Variants in AKAP6 observed in about 807,000 individuals in gnomAD.
AKAP6 encodes A-kinase anchoring protein 6, also known as A-kinase anchor protein 6.
AKAP6 carries 58 observed loss-of-function variants against 188.5 expected under a neutral mutation model. The ratio of observed to expected loss-of-function variants is 0.31; its 90% confidence interval spans 0.25 to 0.38. AKAP6 has a LOEUF of 0.38. Among genes scored for constraint, AKAP6 ranks in the 10% least tolerant of loss-of-function variants. The pLI is 1.00. For missense variants in AKAP6, 2,710 were observed against 2,740.0 expected, an observed-to-expected ratio of 0.99 and a Z score of 0.24; for synonymous variants, 989 against 998.6, an observed-to-expected ratio of 0.99 and a Z score of 0.18.
At chr14:32,623,753 G>T (rs1044479857) in intron 7 of AKAP6, among the ~76,000 whole-genome samples, 1 of 152,068 alleles carries the variant, frequency 6.6e-6, no homozygotes, top group Non-Finnish European at 1.5e-5. Flanking sequence ...AGCATATATG[G>T]CCAGGTCTTT....
At chr14:32,688,631 A>G (rs1890032886) in intron 8 of AKAP6, among the ~76,000 whole-genome samples, 1 of 152,110 alleles carries the variant, frequency 6.6e-6, no homozygotes, top group African/African-American at 2.4e-5. Flanking sequence ...TTGAGACCTG[A>G]GAGGAATTTC....
intron 11 of AKAP6, among the ~76,000 whole-genome samples, chr14:32,767,075 C>A (rs1190567629): frequency 7.2e-5 from 11 of 152,126 alleles, no homozygotes. Flanking sequence ...TCTTTCCTGA[C>A]TTAATTATAC....
At chr14:32,802,376 C>T (rs1459787609) in intron 12 of AKAP6, among the ~76,000 whole-genome samples, 1 of 152,080 alleles carries the variant, frequency 6.6e-6, no homozygotes, top group Non-Finnish European at 1.5e-5. Flanking sequence ...CAGAAATGGG[C>T]AGAAGATATG....
At chr14:32,820,900 T>G (rs2034501899) in intron 12 of AKAP6, among the ~76,000 whole-genome samples, 1 of 152,156 alleles carries the variant, frequency 6.6e-6, no homozygotes, top group South Asian at 2.1e-4. Context: ...AACTCTATTT[T>G]AAGTCCCCAG....
rs1459175257 is a variant in AKAP6, at chr14:32,821,751, G to C, written c.3938G>C (p.Gly1313Ala). 1.4e-5 allele frequency: 22 copies of C among 1,613,692 alleles called. No homozygotes were observed. Among genetic ancestry groups the C allele is most frequent in the Non-Finnish European group, 1.7e-5 (20 of 1,179,908 alleles). ...PFLKNNPKVT[G>A]MTQPNVLTKS... ...CTGAAAAACAATCCAAAGGTCACTG[G>C]CATGACACAGCCTAATGTTTTAACT... The change falls in exon 13 of 14, where the codon GGC becomes GCC. Residue 1313 changes from glycine to alanine, a missense_variant. Physicochemically the swap from Gly to Ala is moderately conservative, Grantham distance 60. Transcript: ENST00000280979.
intron 1 of AKAP6, among the ~76,000 whole-genome samples, chr14:32,369,504 G>T (rs1887942179): frequency 6.6e-6 from 1 of 152,220 alleles, no homozygotes; most frequent in Non-Finnish European, 1.5e-5. Flanking sequence ...CAAAGAAGTA[G>T]GAGGAAGTTA....
intron 8 of AKAP6, among the ~76,000 whole-genome samples, chr14:32,686,108 T>TA (rs1437950628): frequency 1.4e-4 from 21 of 152,222 alleles, no homozygotes; most frequent in Non-Finnish European, 2.5e-4. Context: ...TATTCAGCCA[T>TA]AAAAAAGAAT....
intron 1 of AKAP6, among the ~76,000 whole-genome samples, chr14:32,410,154 T>TG (rs1889435271): frequency 1.5e-5 from 2 of 133,898 alleles, no homozygotes; most frequent in African/African-American, 5.2e-5. Context: ...TCCCCTCCTT[T>TG]TTTTTTCTTT....
chr14:32,756,678 G>A (rs1476838046), intron 11 of AKAP6, among the ~76,000 whole-genome samples: 1 of 152,194 alleles, frequency 6.6e-6, no homozygotes, highest in East Asian at 1.9e-4. Flanking sequence ...AGCTAGCTTA[G>A]AGCCTAAGGC....
intron 7 of AKAP6, among the ~76,000 whole-genome samples, chr14:32,631,180 T>C (rs1378286112): frequency 6.6e-6 from 1 of 152,062 alleles, no homozygotes. Context: ...ATATGGCATA[T>C]GAAATACCTC....
At chr14:32,605,375 G>A (rs1019454389) in intron 7 of AKAP6, among the ~76,000 whole-genome samples, 4 of 152,074 alleles carry the variant, frequency 2.6e-5, no homozygotes, top group Non-Finnish European at 5.9e-5. Context: ...AAGATAGAGA[G>A]GTGTAAAAAC....
At chr14:32,674,426 G>GT (rs1354822667) in intron 7 of AKAP6, among the ~76,000 whole-genome samples, 21 of 152,294 alleles carry the variant, frequency 1.4e-4, no homozygotes, top group African/African-American at 5.1e-4. Flanking sequence ...GAAAGATTAT[G>GT]AAAGCTTGGA....
At chr14:32,398,811 C>T (rs4007600) in intron 1 of AKAP6, among the ~76,000 whole-genome samples, 1 of 141,196 alleles carries the variant, frequency 7.1e-6, no homozygotes, top group Admixed American at 7.1e-5. Flanking sequence ...TCTCCCCCTC[C>T]CCCTCTCTCC....
At chr14:32,692,293 A>G (rs1446066990) in intron 8 of AKAP6, among the ~76,000 whole-genome samples, 3 of 152,222 alleles carry the variant, frequency 2.0e-5, no homozygotes, top group East Asian at 1.9e-4. Context: ...ATATAAATGC[A>G]TGCTAAAAAG....
chr14:32,800,057 C>CTATATA (rs1314660429), intron 12 of AKAP6, among the ~76,000 whole-genome samples: 1 of 104,848 alleles, frequency 9.5e-6, no homozygotes, highest in Non-Finnish European at 2.0e-5. Context: ...CTCTCTCTCT[C>CTATATA]TCTCTATATA....
chr14:32,615,780 G>A (rs1886551943), intron 7 of AKAP6, among the ~76,000 whole-genome samples: 1 of 151,842 alleles, frequency 6.6e-6, no homozygotes, highest in African/African-American at 2.4e-5. Flanking sequence ...TATTTTTAGA[G>A]AGACGGGGTT....
intron 5 of AKAP6, among the ~76,000 whole-genome samples, chr14:32,599,196 G>A (rs1237469436): frequency 6.6e-6 from 1 of 152,120 alleles, no homozygotes; most frequent in East Asian, 1.9e-4. Flanking sequence ...TTCTAGATTT[G>A]TCAGCTGTTT....
chr14:32,627,547 A>G lies in AKAP6; in HGVS notation c.2730+26755A>G, dbSNP rs554697408. Among the ~76,000 whole-genome samples, 36 of 152,244 alleles carry G rather than the reference A, an allele frequency of 2.4e-4. No individual in the cohort carries two copies. The South Asian group carries it at 7.0e-3, about 30-fold the overall frequency. On this transcript the variant is annotated intron_variant, in intron 7 of 13. Transcript: ENST00000280979. ...ACCCCTAAAAAATATATATTATGGA[A>G]TGAGAATTTCTCAGTCTTCTCAGGA...
At chr14:32,382,203 C>G (rs1888386971) in intron 1 of AKAP6, among the ~76,000 whole-genome samples, 2 of 152,114 alleles carry the variant, frequency 1.3e-5, no homozygotes. Flanking sequence ...TTTTGGTCCT[C>G]TCATCAGTTA....
Sources: gnomAD v4.1 joint callset for allele counts (sites outside exome capture counted in the v4.1 genomes callset) on GRCh38, gnomAD v4.1.1 for gene constraint, MANE v1.5 for transcripts, NCBI Gene and HGNC (gene_info 2026-07-23, HGNC 2026-07-21) for gene names.